PPP2R2B: variants seen among roughly 807,000 people sequenced by gnomAD.
PPP2R2B encodes the protein protein phosphatase 2 regulatory subunit Bbeta, also known as serine/threonine-protein phosphatase 2A 55 kDa regulatory subunit B beta isoform.
PPP2R2B carries 5 observed loss-of-function variants against 46.0 expected under a neutral mutation model. The observed-to-expected ratio is 0.11, with a 90% confidence interval of 0.06 to 0.23. The LOEUF (loss-of-function observed/expected upper bound fraction) is 0.23, where lower values mean the gene tolerates loss of function less well. Among genes scored for constraint, PPP2R2B ranks in the 10% least tolerant of loss-of-function variants. The pLI is 1.00. For missense variants in PPP2R2B, 367 were observed against 575.0 expected (o/e 0.64, Z 3.70); for synonymous variants, 215 against 206.7 (o/e 1.04, Z -0.34).
chr5:146,689,393 T>C (rs1282280368), intron 5 of PPP2R2B, among the ~76,000 whole-genome samples: 1 of 152,256 alleles, frequency 6.6e-6, no homozygotes, highest in Non-Finnish European at 1.5e-5. Context: ...GTGTCTTTTC[T>C]ATGCTTAGAT....
intron 1 of PPP2R2B, chr5:147,055,553 G>T: frequency 1.1e-6 from 1 of 919,314 alleles, no homozygotes. Context: ...CTTTTGCCAG[G>T]AATGACAGTC....
intron 2 of PPP2R2B, among the ~76,000 whole-genome samples, chr5:146,742,368 T>C (rs1420197763): frequency 6.6e-6 from 1 of 152,124 alleles, no homozygotes; most frequent in African/African-American, 2.4e-5. Flanking sequence ...ATGGCTAGGG[T>C]TTAACTAATG....
chr5:146,772,249 T>C lies in PPP2R2B; in HGVS notation c.71-71107A>G, dbSNP rs574876356. ...ACAGCAAACATTTATAGATGATTTA[T>C]ATGTCAGGTACTGTTTAGGGAGTGG... is the stretch of plus-strand genomic sequence containing the variant. On this transcript the variant is annotated intron_variant, in intron 2 of 9. Coordinates refer to ENST00000394411, the MANE Select transcript of PPP2R2B (RefSeq NM_181675.4). Among the ~76,000 whole-genome samples the C allele has an allele frequency of 2.4e-4, 36 of 152,010 alleles. No individual in the cohort carries two copies. The South Asian group carries it at 7.5e-3, about 32-fold the overall frequency.
chr5:146,837,702 T>G lies in PPP2R2B; in HGVS notation c.70+40300A>C, dbSNP rs564704453. Reference sequence around the variant, plus strand: ...TATTGTTGAGATATTTTATATATTTTTTTGTACTAAGTCTTCTAAATCTGG... The same window carrying G: ...TATTGTTGAGATATTTTATATATTTGTTTGTACTAAGTCTTCTAAATCTGG... On this transcript the variant is annotated intron_variant, in intron 2 of 9. Coordinates refer to ENST00000394411, the MANE Select transcript of PPP2R2B (RefSeq NM_181675.4). Among the ~76,000 whole-genome samples, 3 of 152,380 alleles carry G rather than the reference T, an allele frequency of 2.0e-5. No homozygotes were observed. The South Asian group carries it at 6.2e-4, about 32-fold the overall frequency.
At chr5:146,660,370 G>A (rs1456793229) in intron 5 of PPP2R2B, among the ~76,000 whole-genome samples, 1 of 152,078 alleles carries the variant, frequency 6.6e-6, no homozygotes, top group African/African-American at 2.4e-5. Context: ...AAGGCCTCTT[G>A]TGCTATCTAT....
At chr5:146,822,063 T>C (rs1758295993) in intron 2 of PPP2R2B, among the ~76,000 whole-genome samples, 1 of 152,122 alleles carries the variant, frequency 6.6e-6, no homozygotes, top group South Asian at 2.1e-4. Flanking sequence ...CAAAAATGAG[T>C]CCATCTAAAA....
chr5:146,967,382 G>C (rs1263920680), intron 1 of PPP2R2B, among the ~76,000 whole-genome samples: 2 of 152,154 alleles, frequency 1.3e-5, no homozygotes, highest in African/African-American at 4.8e-5. Flanking sequence ...GCCAGGCAGG[G>C]TTCAAATGAT....
intron 1 of PPP2R2B, among the ~76,000 whole-genome samples, chr5:146,907,321 A>G (rs1763033219): frequency 6.6e-6 from 1 of 152,106 alleles, no homozygotes; most frequent in African/African-American, 2.4e-5. Flanking sequence ...ATCTATGTGC[A>G]TTTTCCTGAA....
chr5:147,079,392 GATATATAAT>G (rs1757899103), intron 2 of PPP2R2B, among the ~76,000 whole-genome samples: 2 of 142,520 alleles, frequency 1.4e-5, no homozygotes, highest in Middle Eastern at 3.4e-3. Flanking sequence ...TATAAAATGG[GATATATAAT>G]ATATATAATA....
At chr5:146,782,162 C>T (rs765388878) in intron 2 of PPP2R2B, among the ~76,000 whole-genome samples, 7 of 152,100 alleles carry the variant, frequency 4.6e-5, no homozygotes, top group East Asian at 1.9e-4. Flanking sequence ...GCTAGCATCA[C>T]GCTTCCTGTA....
intron 2 of PPP2R2B, among the ~76,000 whole-genome samples, chr5:147,077,921 A>T (rs1405346290): frequency 5.9e-5 from 9 of 152,256 alleles, no homozygotes. Context: ...GTCTAAGGGC[A>T]TATGTGTAAA....
chr5:146,935,282 G>C (rs950952862), intron 1 of PPP2R2B, among the ~76,000 whole-genome samples: 3 of 152,146 alleles, frequency 2.0e-5, no homozygotes, highest in Non-Finnish European at 4.4e-5. Context: ...CATCATGTGA[G>C]GTACAGCTAG....
At chr5:147,023,087 T>C (rs1229058431) in intron 1 of PPP2R2B, among the ~76,000 whole-genome samples, 1 of 152,192 alleles carries the variant, frequency 6.6e-6, no homozygotes, top group African/African-American at 2.4e-5. Flanking sequence ...AATTGTATTA[T>C]GCCATATGTA....
At chr5:146,639,571 C>A (rs1775057431) in intron 6 of PPP2R2B, among the ~76,000 whole-genome samples, 1 of 152,082 alleles carries the variant, frequency 6.6e-6, no homozygotes, top group Non-Finnish European at 1.5e-5. Context: ...TGTCTGAGGA[C>A]CCAGCAACAT....
chr5:146,676,207 A>T (rs1777700419), intron 5 of PPP2R2B, among the ~76,000 whole-genome samples: 1 of 152,154 alleles, frequency 6.6e-6, no homozygotes, highest in Non-Finnish European at 1.5e-5. Flanking sequence ...GTTGGTGAAC[A>T]TCCTGTCTTC....
chr5:146,872,782 G>A (rs1761689673), intron 2 of PPP2R2B, among the ~76,000 whole-genome samples: 1 of 152,092 alleles, frequency 6.6e-6, no homozygotes, highest in Non-Finnish European at 1.5e-5. Context: ...ATATCAGTGT[G>A]TGGTTATTTA....
chr5:146,605,310 G>C (rs1240958167), intron 7 of PPP2R2B, among the ~76,000 whole-genome samples: 3 of 152,138 alleles, frequency 2.0e-5, no homozygotes, highest in Non-Finnish European at 4.4e-5. Context: ...TTCCTTCTCT[G>C]TAATATGAAG....
In PPP2R2B at chr5:146,848,858, C is replaced by A. The variant is rs59815477; in HGVS notation, c.70+29144G>T. 7.6e-3 allele frequency among the ~76,000 whole-genome samples: 1,145 copies of A among 151,464 alleles called. 17 individuals are homozygous for A. Among genetic ancestry groups the A allele is most frequent in the African/African-American group, 0.027 (1,086 of 40,918 alleles). ...TGCATGGGAGATTTTCTCCTCCTCT[C>A]CTATTTATTCAATTATTTACTTATA... is the stretch of plus-strand genomic sequence containing the variant. On this transcript the variant is annotated intron_variant, in intron 2 of 9. Coordinates refer to ENST00000394411, the MANE Select transcript of PPP2R2B (RefSeq NM_181675.4).
chr5:146,903,338 G>GT (rs57455873), intron 1 of PPP2R2B, among the ~76,000 whole-genome samples: 11 of 147,722 alleles, frequency 7.4e-5, no homozygotes, highest in South Asian at 2.1e-4. Flanking sequence ...AAGAAACACT[G>GT]TTTTTTTTGT....
Sources: gnomAD v4.1 joint callset for allele counts (sites outside exome capture counted in the v4.1 genomes callset) on GRCh38, gnomAD v4.1.1 for gene constraint, MANE v1.5 for transcripts, NCBI Gene and HGNC (gene_info 2026-07-23, HGNC 2026-07-21) for gene names.